Variants in ZSWIM2 observed in about 807,000 individuals in gnomAD.
ZSWIM2 encodes E3 ubiquitin-protein ligase ZSWIM2.
Under a neutral mutation model 48.4 loss-of-function variants are expected in ZSWIM2, and 38 were observed. The ratio of observed to expected loss-of-function variants is 0.79; its 90% confidence interval spans 0.61 to 1.03. ZSWIM2 has a LOEUF of 1.03. ZSWIM2 is among the 50% of genes least tolerant of loss of function. ZSWIM2 has a pLI of 0.00. For synonymous variants in ZSWIM2, 240 were observed against 251.3 expected, an observed-to-expected ratio of 0.96 and a Z score of 0.42; for missense variants, 776 against 730.2, an observed-to-expected ratio of 1.06 and a Z score of -0.72.
intron 3 of ZSWIM2, among the ~76,000 whole-genome samples, chr2:186,843,835 G>A (rs762127239): frequency 1.5e-4 from 23 of 151,456 alleles, no homozygotes; most frequent in Non-Finnish European, 3.1e-4. Context: ...AATATGTAGA[G>A]TGAAAAAAGA....
At chr2:186,841,359 T>C (rs945449420) in intron 3 of ZSWIM2, among the ~76,000 whole-genome samples, 6 of 151,386 alleles carry the variant, frequency 4.0e-5, no homozygotes, top group African/African-American at 9.7e-5. Flanking sequence ...AATATCTTTG[T>C]ATGCTTAAGT....
chr2:186,842,831 T>G (rs1047156699), intron 3 of ZSWIM2, among the ~76,000 whole-genome samples: 7 of 151,472 alleles, frequency 4.6e-5, no homozygotes. Flanking sequence ...TAATCTATAG[T>G]TACAGAAAAA....
At chr2:186,838,362 A>G (rs886706046) in intron 4 of ZSWIM2, among the ~76,000 whole-genome samples, 1 of 150,834 alleles carries the variant, frequency 6.6e-6, no homozygotes, top group Non-Finnish European at 1.5e-5. Context: ...AAAAAAAAAG[A>G]TTTGTACATA....
At chr2:186,831,881 G>C (rs1253550037) in intron 7 of ZSWIM2, among the ~76,000 whole-genome samples, 1 of 151,984 alleles carries the variant, frequency 6.6e-6, no homozygotes, top group Non-Finnish European at 1.5e-5. Flanking sequence ...GTTGTGGGGT[G>C]GGGGAGGGGG....
At chr2:186,836,834 T>A (rs13414172) in intron 5 of ZSWIM2, among the ~76,000 whole-genome samples, 13,804 of 152,156 alleles carry the variant, frequency 0.091, 651 homozygotes, top group Non-Finnish European at 0.11. Context: ...AAACAAAACC[T>A]GTACTCATTG....
At chr2:186,836,686 C>A (rs896653058) in intron 5 of ZSWIM2, among the ~76,000 whole-genome samples, 3 of 152,010 alleles carry the variant, frequency 2.0e-5, no homozygotes, top group African/African-American at 7.2e-5. Flanking sequence ...TAAGAAAATA[C>A]AAATTTCCTA....
intron 5 of ZSWIM2, 152 bp from the exon 6 acceptor site, chr2:186,834,182 G>A: frequency 1.7e-6 from 1 of 604,364 alleles, no homozygotes; most frequent in Admixed American, 3.0e-5. Context: ...TCCTGTTGCT[G>A]CTGTAAAAAT....
In ZSWIM2 at chr2:186,833,987, C is replaced by G; in HGVS notation, c.787G>C (p.Asp263His). 6.2e-7 allele frequency: 1 copy of G among 1,613,136 alleles called. No homozygotes were observed. The highest frequency in any genetic ancestry group is 8.5e-7 in the Non-Finnish European group (1 of 1,179,530). Residue 263 changes from aspartate (D) to histidine (H), a missense_variant, in exon 6 of 9, where the codon GAT becomes CAT. Coordinates refer to ENST00000295131, the MANE Select transcript of ZSWIM2 (RefSeq NM_182521.3). The stretch of plus-strand genomic sequence containing the variant: ...GTGTGGGAAAGATGGCAGCAGCTAT[C>G]AAAACATTCCTGGCATAAGTGATAT... The part of the protein sequence containing the change: ...IEYHLCQECF[D>H]SCCHLSHTFT...
intron 4 of ZSWIM2, among the ~76,000 whole-genome samples, chr2:186,837,827 T>C (rs1559113946): frequency 1.3e-5 from 2 of 150,946 alleles, no homozygotes. Flanking sequence ...AGATTTTGCA[T>C]CATTAAAATA....
rs1691812089 is a variant in ZSWIM2 at position 186,837,360 on chromosome 2, A to G, written c.689T>C (p.Leu230Pro). 1 of 1,612,882 alleles carries G rather than the reference A, an allele frequency of 6.2e-7. No homozygotes were observed. Among genetic ancestry groups the G allele is most frequent in the Non-Finnish European group, 8.5e-7 (1 of 1,179,308 alleles). Residue 230 changes from leucine to proline, a missense_variant, in exon 5 of 9, where the codon CTT becomes CCT. Leu to Pro is a moderately conservative substitution (Grantham distance 98). Transcript: ENST00000295131. ...AAEKERLDKH[L>P]GIPCNNCKQF... ...TTTGCAGTTATTACAGGGAATCCCA[A>G]GGTGTTTGTCCAGTCTCTCTTTTTC...
At chr2:186,835,632 A>G (rs1415907415) in intron 5 of ZSWIM2, among the ~76,000 whole-genome samples, 1 of 152,182 alleles carries the variant, frequency 6.6e-6, no homozygotes, top group African/African-American at 2.4e-5. Context: ...TTAACCTCTT[A>G]AAAGATGAAG....
Position 186,844,771 on chromosome 2 carries a change from G to A in ZSWIM2, c.243-14C>T. 2.6e-6 allele frequency: 4 copies of A among 1,538,606 alleles called. No homozygotes were observed. The highest frequency in any genetic ancestry group is 2.6e-5 in the South Asian group (2 of 76,598). On this transcript the variant is annotated splice_polypyrimidine_tract_variant and intron_variant, in intron 2 of 8. Coordinates refer to ENST00000295131, the MANE Select transcript of ZSWIM2 (RefSeq NM_182521.3). The stretch of plus-strand genomic sequence containing the variant: ...TTCAACAAGACCCTAACATTCACAA[G>A]TAGAAAAAAAATCAAGACATTTATT...
At chr2:186,836,121 A>G in intron 5 of ZSWIM2, among the ~76,000 whole-genome samples, 1 of 152,082 alleles carries the variant, frequency 6.6e-6, no homozygotes, top group Admixed American at 6.6e-5. Context: ...AGAATTTTAC[A>G]CTGTGGCCCT....
In ZSWIM2 at chr2:186,847,112, A is replaced by G. The variant is rs1350289526; in HGVS notation, c.242+607T>C. ...GGGGTGATTAGTACACTATAAGTCCAGACTTCACCACTATGCAATATATGC... is the reference window on the plus strand; with the variant it reads ...GGGGTGATTAGTACACTATAAGTCCGGACTTCACCACTATGCAATATATGC... On this transcript the variant is annotated intron_variant, in intron 2 of 8. Transcript: ENST00000295131. Among the ~76,000 whole-genome samples, 6 of 152,122 alleles carry G rather than the reference A, an allele frequency of 3.9e-5. No homozygotes were observed. The East Asian group carries it at 9.6e-4, about 24-fold the overall frequency.
Position 186,844,532 on chromosome 2 carries a change from T to A in ZSWIM2, c.283+185A>T, listed in dbSNP as rs188949375. On this transcript the variant is annotated intron_variant, in intron 3 of 8. Transcript: ENST00000295131. ...TTGAAAATGACATATAAAGTTACAT[T>A]TTTTTAAAGATGAAAAATGTTCCAA... is the stretch of plus-strand genomic sequence containing the variant. Among the ~76,000 whole-genome samples, 40 of 151,668 alleles carry A rather than the reference T, an allele frequency of 2.6e-4. No homozygotes were observed. In the East Asian group the frequency reaches 7.5e-3, roughly 28 times the overall value.
Position 186,828,447 on chromosome 2 carries a change from G to A in ZSWIM2, c.1439C>T (p.Ser480Leu), listed in dbSNP as rs755871820. 2.5e-6 allele frequency: 4 copies of A among 1,612,878 alleles called. No individual in the cohort carries two copies. The highest frequency in any genetic ancestry group is 3.3e-5 in the Admixed American group (2 of 59,856). ...LCSIKLDNSN[S>L]KKLTYDYKIS... Reference sequence around the variant, plus strand: ...TTTATAATCATAGGTTAATTTTTTTGAATTTGAATTATCTAATTTGATAGA... The same window carrying A: ...TTTATAATCATAGGTTAATTTTTTTAAATTTGAATTATCTAATTTGATAGA... Residue 480 changes from serine to leucine, a missense_variant, in exon 9 of 9, where the codon TCA becomes TTA. By Grantham distance (145) the Ser-to-Leu change is moderately radical. Coordinates refer to ENST00000295131, the MANE Select transcript of ZSWIM2 (RefSeq NM_182521.3).
At position 186,829,621 on chromosome 2, in the gene ZSWIM2, C is replaced by G. The variant is rs78542463; in HGVS notation, c.1095+106G>C. The G allele has an allele frequency of 2.1e-3, 2,429 of 1,171,754 alleles. 39 individuals carry two copies. In the African/African-American group the frequency reaches 0.034, roughly 17 times the overall value. The allele number at this position is 1,171,754 out of a possible 1,614,324, so 72.6% of individuals were successfully genotyped here. ...TATGTGCTGTGCAATGTGAACACCTCTGTACAGAGCACAACTCAAAAGTAA... is the reference window on the plus strand; with the variant it reads ...TATGTGCTGTGCAATGTGAACACCTGTGTACAGAGCACAACTCAAAAGTAA... On this transcript the variant is annotated intron_variant, in intron 8 of 8. Transcript: ENST00000295131.
At position 186,836,517 on chromosome 2, in the gene ZSWIM2, C is replaced by T. The variant is rs745627068; in HGVS notation, c.743+789G>A. On this transcript the variant is annotated intron_variant, in intron 5 of 8. Coordinates refer to ENST00000295131, the MANE Select transcript of ZSWIM2 (RefSeq NM_182521.3). ...TGCTGTTGGATGTGATAATGTTTTA[C>T]GGTTTTATGACAGAGTTTTAATATA... Among the ~76,000 whole-genome samples, 12 of 151,978 alleles carry T rather than the reference C, an allele frequency of 7.9e-5. No homozygotes were observed. In the South Asian group the frequency reaches 1.2e-3, roughly 16 times the overall value.
rs189234848 is a variant in ZSWIM2, at chr2:186,832,729, A to G, written c.941+391T>C. 1.2e-3 allele frequency among the ~76,000 whole-genome samples: 181 copies of G among 152,228 alleles called. No individual in the cohort carries two copies. In the South Asian group the frequency reaches 0.014, roughly 12 times the overall value. On this transcript the variant is annotated intron_variant, in intron 7 of 8. Transcript: ENST00000295131. ...TACTGAGGAAACTACTGTATCCCTC[A>G]TATCTAGTATAGTTTCTGGTCAAAT...
Sources: allele counts gnomAD v4.1 joint callset (sites outside exome capture counted in the v4.1 genomes callset), GRCh38; gene constraint gnomAD v4.1.1; transcripts MANE v1.5; gene names NCBI Gene and HGNC (gene_info 2026-07-23, HGNC 2026-07-21).